Variants in RSPH14 observed in about 807,000 individuals in gnomAD.
RSPH14 encodes the protein rhabdoid tumor deletion region gene 1.
In RSPH14, 20 loss-of-function variants were observed where a neutral mutation model predicts 26.7. The observed-to-expected ratio is 0.75, with a 90% CI of 0.53 to 1.09. RSPH14 has a LOEUF of 1.09. RSPH14 is among the 50% of genes least tolerant of loss of function. RSPH14 has a pLI of 0.00. For synonymous variants in RSPH14, 177 were observed against 189.3 expected (o/e 0.93, Z 0.53); for missense variants, 449 against 457.2 (o/e 0.98, Z 0.16).
At chr22:23,079,663 G>A (rs1001563780) in intron 4 of RSPH14, among the ~76,000 whole-genome samples, 2 of 152,190 alleles carry the variant, frequency 1.3e-5, no homozygotes, top group Admixed American at 6.5e-5. Flanking sequence ...GGGCACAGGG[G>A]GCTGGAGACA....
Position 23,064,015 on chromosome 22 carries a change from C to T in RSPH14, c.540G>A (p.Gln180=). The T allele has an allele frequency of 1.9e-6, 3 of 1,614,222 alleles. No homozygotes were observed. Among genetic ancestry groups the T allele is most frequent in the Non-Finnish European group, 2.5e-6 (3 of 1,180,034 alleles). The part of the protein sequence containing the change: ...FILDTLVLCL[Q]EDATEALGSN... ...TGCCCAGGGCCTCGGTGGCATCCTC[C>T]TGCAGGCAGAGGACCAGTGTGTCCA... Residue 180 remains glutamine, a synonymous_variant, in exon 5 of 7, where the codon CAG becomes CAA. Transcript: ENST00000216036.
chr22:23,157,947 C>T, the RSPH14 span: 1 of 1,612,630 alleles, frequency 6.2e-7, no homozygotes, highest in African/African-American at 1.3e-5. Context: ...CCCTTGCTCG[C>T]CTCGCCTGGC....
upstream of RSPH14, chr22:23,145,537 TCA>T: frequency 6.2e-7 from 1 of 1,602,082 alleles, no homozygotes; most frequent in Non-Finnish European, 8.5e-7. Context: ...GCCCCAGCTT[TCA>T]CAGCCATCGC....
chr22:23,084,584 G>A (rs1027438816), intron 4 of RSPH14, among the ~76,000 whole-genome samples: 3 of 152,226 alleles, frequency 2.0e-5, no homozygotes, highest in Non-Finnish European at 4.4e-5. Flanking sequence ...GAAGCAGCAT[G>A]GGGAAGCCTT....
the RSPH14 span, among the ~76,000 whole-genome samples, chr22:23,171,504 G>T: frequency 1.3e-5 from 2 of 152,128 alleles, no homozygotes; most frequent in Non-Finnish European, 2.9e-5. Flanking sequence ...AATTTTGGGG[G>T]ACACAAACAT....
chr22:23,142,607 G>A (rs1410088167), upstream of RSPH14, among the ~76,000 whole-genome samples: 2 of 152,228 alleles, frequency 1.3e-5, no homozygotes, highest in Non-Finnish European at 2.9e-5. Context: ...CAAAATGCTA[G>A]GATTACAGGC....
chr22:23,094,409 C>T (rs1457929570), intron 4 of RSPH14, among the ~76,000 whole-genome samples: 1 of 152,120 alleles, frequency 6.6e-6, no homozygotes, highest in African/African-American at 2.4e-5. Flanking sequence ...GGCCCTGACT[C>T]GCGGGGTTGG....
In RSPH14 at chr22:23,139,935, C is replaced by T. The variant is rs2070560156; in HGVS notation, c.199+287G>A. 2.0e-5 allele frequency among the ~76,000 whole-genome samples: 3 copies of T among 152,176 alleles called. No homozygotes were observed. In the South Asian group the frequency reaches 6.2e-4, roughly 32 times the overall value. On this transcript the variant is annotated intron_variant, in intron 2 of 6. Coordinates refer to ENST00000216036, the MANE Select transcript of RSPH14 (RefSeq NM_014433.3). ...AAGAAATTAGTCAGCCATGGTGGTA[C>T]TTGTAGTCCTAGTTACTCAGGAAGC...
chr22:23,068,419 G>GGGCC (rs1428512724), intron 4 of RSPH14, among the ~76,000 whole-genome samples: 1 of 152,252 alleles, frequency 6.6e-6, no homozygotes, highest in African/African-American at 2.4e-5. Context: ...TGCCAGAAAA[G>GGGCC]GGCCGGTCTG....
chr22:23,137,366 C>T (rs1022132560), intron 3 of RSPH14, among the ~76,000 whole-genome samples: 4 of 142,074 alleles, frequency 2.8e-5, no homozygotes, highest in African/African-American at 7.6e-5. Flanking sequence ...CTCTCTTGTC[C>T]GTGGGGTGTC....
upstream of RSPH14, chr22:23,149,928 G>C: frequency 1.4e-6 from 1 of 712,534 alleles, no homozygotes; most frequent in South Asian, 1.6e-5. Context: ...AAATGGGTCA[G>C]GGAAAGCTAA....
At chr22:23,095,635 G>C in intron 4 of RSPH14, 1 of 1,536,498 alleles carries the variant, frequency 6.5e-7, no homozygotes, top group Non-Finnish European at 8.7e-7. Context: ...AGTGTCCCCT[G>C]TGGCAAGAGG....
At chr22:23,151,235 A>G in the RSPH14 span, among the ~76,000 whole-genome samples, 6 of 152,282 alleles carry the variant, frequency 3.9e-5, no homozygotes, top group South Asian at 1.2e-3. Flanking sequence ...TCTGTTGGGG[A>G]ATGCTGGTGC....
At chr22:23,068,636 G>A (rs1018473688) in intron 4 of RSPH14, among the ~76,000 whole-genome samples, 1 of 152,244 alleles carries the variant, frequency 6.6e-6, no homozygotes, top group Admixed American at 6.5e-5. Context: ...TCTCACTGTT[G>A]CATGTGGGCT....
chr22:23,140,737 G>A (rs1441851109), intron 1 of RSPH14, among the ~76,000 whole-genome samples: 1 of 152,200 alleles, frequency 6.6e-6, no homozygotes, highest in African/African-American at 2.4e-5. Context: ...TGGATCTTCA[G>A]TCAAAGGCAT....
chr22:23,084,915 A>G (rs1201166014), intron 4 of RSPH14, among the ~76,000 whole-genome samples: 2 of 152,212 alleles, frequency 1.3e-5, no homozygotes, highest in East Asian at 1.9e-4. Flanking sequence ...TCCAGGTGAC[A>G]TCGCACGTCC....
the RSPH14 span, among the ~76,000 whole-genome samples, chr22:23,179,135 T>C: frequency 6.6e-6 from 1 of 152,160 alleles, no homozygotes; most frequent in Non-Finnish European, 1.5e-5. Context: ...CTGGGCTCAG[T>C]CCTTTAGATT....
chr22:23,135,626 T>C (rs1464199380), intron 3 of RSPH14, among the ~76,000 whole-genome samples: 1 of 152,140 alleles, frequency 6.6e-6, no homozygotes, highest in East Asian at 1.9e-4. Flanking sequence ...AATCAGACGA[T>C]GTTATGAGTA....
chr22:23,159,099 T>G, the RSPH14 span: 798,930 of 1,588,404 alleles, frequency 0.5, 202,384 homozygotes, highest in East Asian at 0.64. Flanking sequence ...GGCAGCTGCC[T>G]ATCCCCCTGG....
Sources: gnomAD v4.1 joint callset for allele counts (sites outside exome capture counted in the v4.1 genomes callset) on GRCh38, gnomAD v4.1.1 for gene constraint, MANE v1.5 for transcripts, NCBI Gene and HGNC (gene_info 2026-07-23, HGNC 2026-07-21) for gene names.